The following PPP2R1A variants were observed in gnomAD, a reference collection of about 807,000 sequenced individuals.
PPP2R1A encodes the protein protein phosphatase 2 scaffold subunit Aalpha.
A neutral mutation model predicts 67.1 loss-of-function variants in PPP2R1A; 15 were observed. The ratio of observed to expected loss-of-function variants is 0.22; its 90% confidence interval spans 0.15 to 0.34. The LOEUF (loss-of-function observed/expected upper bound fraction) is 0.34. PPP2R1A is among the 10% of genes least tolerant of loss of function. The probability of loss-of-function intolerance (pLI) is 1.00; values close to 1 mark genes in which losing one functional copy is unlikely to be tolerated. For synonymous variants in PPP2R1A, 337 were observed against 325.0 expected (o/e 1.04, Z -0.40); for missense variants, 369 against 775.0 (o/e 0.48, Z 6.22).
At chr19:52,190,447 C>T (rs2089443132) in intron 1 of PPP2R1A, among the ~76,000 whole-genome samples, 1 of 152,184 alleles carries the variant, frequency 6.6e-6, no homozygotes, top group Admixed American at 6.5e-5. Flanking sequence ...AGGTTGTGGC[C>T]AGGGCTGGGG....
Position 52,221,064 on chromosome 19 carries a change from C to T in PPP2R1A, c.1449C>T (p.Ile483=). The T allele has an allele frequency of 6.2e-7, 1 of 1,614,236 alleles. No homozygotes were observed. The highest frequency in any genetic ancestry group is 8.5e-7 in the Non-Finnish European group (1 of 1,180,036). ...FGKEWAHATI[I]PKVLAMSGDP... ...AGGAGTGGGCCCATGCCACAATCATCCCCAAGGTCTTGGCCATGTCCGGAG... is the reference window on the plus strand; with the variant it reads ...AGGAGTGGGCCCATGCCACAATCATTCCCAAGGTCTTGGCCATGTCCGGAG... Residue 483 remains isoleucine (I), a synonymous_variant, in exon 12 of 15, where the codon ATC becomes ATT. Coordinates refer to ENST00000322088, the MANE Select transcript of PPP2R1A (RefSeq NM_014225.6).
chr19:52,205,845 G>T, intron 2 of PPP2R1A, 118 bp from the exon 3 acceptor site: 1 of 813,038 alleles, frequency 1.2e-6, no homozygotes, highest in Non-Finnish European at 2.1e-6. Flanking sequence ...GCAAGTGGGC[G>T]GATGGAAGAA....
intron 3 of PPP2R1A, among the ~76,000 whole-genome samples, chr19:52,208,013 G>T (rs990585906): frequency 1.3e-5 from 2 of 152,128 alleles, no homozygotes; most frequent in Non-Finnish European, 2.9e-5. Flanking sequence ...ATGGCTTTGT[G>T]TAGTTTCTTC....
intron 3 of PPP2R1A, among the ~76,000 whole-genome samples, chr19:52,207,219 G>T (rs988879676): frequency 3.3e-5 from 5 of 152,156 alleles, no homozygotes; most frequent in African/African-American, 1.2e-4. Context: ...GAGGTTTGGG[G>T]GCCAGCCTAG....
intron 2 of PPP2R1A, among the ~76,000 whole-genome samples, chr19:52,203,851 T>A (rs560585893): frequency 6.6e-6 from 1 of 152,302 alleles, no homozygotes; most frequent in Admixed American, 6.5e-5. Context: ...TGGGTTTGAT[T>A]AGGCTCATAG....
rs79308790 is a variant in PPP2R1A, at chr19:52,190,204, A to C, written c.78+30A>C. On this transcript the variant is annotated intron_variant, in intron 1 of 14. Coordinates refer to ENST00000322088, the MANE Select transcript of PPP2R1A (RefSeq NM_014225.6). ...GGAGGCTACGGGGGACTTGGGGAAG[A>C]CGCGGAGGGGTACCTGGGGGCACGG... is the stretch of plus-strand genomic sequence containing the variant. 3.5e-3 allele frequency: 5,360 copies of C among 1,547,534 alleles called. 152 individuals carry two copies. In the African/African-American group the frequency reaches 0.063, roughly 18 times the overall value.
At chr19:52,218,034 A>G (rs1298679697) in intron 9 of PPP2R1A, among the ~76,000 whole-genome samples, 2 of 152,198 alleles carry the variant, frequency 1.3e-5, no homozygotes, top group Admixed American at 6.5e-5. Context: ...ACTAAGTGGT[A>G]TGTAGAGATG....
chr19:52,216,731 G>T lies in PPP2R1A; in HGVS notation c.1128+68G>T. On this transcript the variant is annotated intron_variant, in intron 9 of 14. Coordinates refer to ENST00000322088, the MANE Select transcript of PPP2R1A (RefSeq NM_014225.6). The surrounding 1 kb of genome is among the most constrained non-coding windows in gnomAD (Gnocchi z 4.3). ...AGGCGGGTCTTCCTAGATTGCTAGG[G>T]TTTACCTAGATTGACCAGGAATCTG... The T allele has an allele frequency of 1.9e-6, 3 of 1,604,298 alleles. No individual in the cohort carries two copies. Among genetic ancestry groups the T allele is most frequent in the South Asian group, 1.1e-5 (1 of 90,806 alleles).
At chr19:52,202,482 G>A (rs970534617) in intron 2 of PPP2R1A, among the ~76,000 whole-genome samples, 1 of 152,218 alleles carries the variant, frequency 6.6e-6, no homozygotes, top group African/African-American at 2.4e-5. Context: ...CATATAAAGT[G>A]TTTAGAAAGC....
intron 1 of PPP2R1A, among the ~76,000 whole-genome samples, chr19:52,197,057 C>T (rs995794821): frequency 1.4e-4 from 21 of 152,210 alleles, no homozygotes; most frequent in African/African-American, 4.8e-4. Context: ...TAGCCCCATG[C>T]AGGAGCTCCT....
At chr19:52,201,668 C>T (rs940481110) in intron 1 of PPP2R1A, 11 of 437,648 alleles carry the variant, frequency 2.5e-5, no homozygotes, top group African/African-American at 1.4e-4. Context: ...CAGTTTTCAA[C>T]AGAGTGGTCC....
intron 2 of PPP2R1A, among the ~76,000 whole-genome samples, chr19:52,203,580 TCTACTTTCACACCA>T (rs2089573003): frequency 6.6e-6 from 1 of 152,194 alleles, no homozygotes; most frequent in East Asian, 1.9e-4. Context: ...GTGACTTTCC[TCTACTTTCACACCA>T]CAGCAATCAT....
At chr19:52,201,790 G>A (rs1054669821) in intron 1 of PPP2R1A, 154 bp from the exon 2 acceptor site, 14 of 615,550 alleles carry the variant, frequency 2.3e-5, no homozygotes, top group Admixed American at 1.1e-4. Flanking sequence ...CGAGGTCACA[G>A]GGTCTCTTGG....
chr19:52,218,246 C>T (rs959836740), intron 9 of PPP2R1A, among the ~76,000 whole-genome samples: 4 of 152,100 alleles, frequency 2.6e-5, no homozygotes, highest in African/African-American at 7.2e-5. Flanking sequence ...CTTTTTTATA[C>T]ACAGGCGCCC....
At chr19:52,225,617 G>A (rs1979205570) in intron 13 of PPP2R1A, 100 bp from the exon 14 acceptor site, 10 of 1,057,606 alleles carry the variant, frequency 9.5e-6, no homozygotes, top group South Asian at 1.3e-5. Context: ...TGGTGTATCC[G>A]TGTCTGTGTA....
intron 6 of PPP2R1A, among the ~76,000 whole-genome samples, chr19:52,214,652 G>A (rs1370354492): frequency 6.6e-6 from 1 of 152,014 alleles, no homozygotes; most frequent in Non-Finnish European, 1.5e-5. Context: ...CAGGTCTTCA[G>A]GAACCAGCTT....
intron 13 of PPP2R1A, among the ~76,000 whole-genome samples, chr19:52,224,730 C>T (rs945845803): frequency 4.6e-5 from 7 of 152,182 alleles, no homozygotes; most frequent in African/African-American, 1.4e-4. Context: ...GGCAGAATCT[C>T]GCTCTGTCGC....
At chr19:52,205,212 A>C (rs1307458318) in intron 2 of PPP2R1A, among the ~76,000 whole-genome samples, 1 of 152,236 alleles carries the variant, frequency 6.6e-6, no homozygotes, top group Non-Finnish European at 1.5e-5. Flanking sequence ...TGTGCTGTGC[A>C]GAGATCAGCA....
chr19:52,212,928 C>T lies in PPP2R1A; in HGVS notation c.652-27C>T, dbSNP rs761241832. 2 of 1,572,886 alleles carry T rather than the reference C, an allele frequency of 1.3e-6. No individual in the cohort carries two copies. Among genetic ancestry groups the T allele is most frequent in the Non-Finnish European group, 8.6e-7 (1 of 1,158,688 alleles). ...AGAGCTCAGCAAGGCCTCTGCTGCC[C>T]TCCCACTGTTCCTCTCCTCTCCCTA... On this transcript the variant is annotated intron_variant, in intron 5 of 14. Coordinates refer to ENST00000322088, the MANE Select transcript of PPP2R1A (RefSeq NM_014225.6). This position sits in a 1 kb window ranked among gnomAD's most constrained non-coding sequence, Gnocchi z 4.1.
Sources: allele counts gnomAD v4.1 joint callset (sites outside exome capture counted in the v4.1 genomes callset), GRCh38; gene constraint gnomAD v4.1.1; non-coding constraint Gnocchi (gnomAD v3.1); transcripts MANE v1.5; gene names NCBI Gene and HGNC (gene_info 2026-07-23, HGNC 2026-07-21).